The following CASC3 variants were observed in gnomAD, a reference collection of about 807,000 sequenced individuals.
CASC3 encodes the protein protein CASC3.
CASC3 carries 30 observed loss-of-function variants against 80.5 expected under a neutral mutation model. The observed-to-expected ratio is 0.37, with a 90% CI of 0.28 to 0.51. CASC3 has a LOEUF of 0.51. CASC3 is among the 20% of genes least tolerant of loss of function. The pLI is 0.94. For synonymous variants in CASC3, 312 were observed against 333.6 expected (o/e 0.94, Z 0.70); for missense variants, 824 against 922.2 (o/e 0.89, Z 1.38).
intron 3 of CASC3, among the ~76,000 whole-genome samples, chr17:40,153,795 G>A (rs527438663): frequency 1.5e-3 from 230 of 151,348 alleles, no homozygotes; most frequent in Non-Finnish European, 1.7e-3. Context: ...TTTTTTTGGC[G>A]GGGCACGGTG....
chr17:40,157,919 A>G (rs533445109), intron 3 of CASC3, among the ~76,000 whole-genome samples: 2 of 152,332 alleles, frequency 1.3e-5, no homozygotes, highest in African/African-American at 4.8e-5. Flanking sequence ...GAAACATACT[A>G]TTCAGTGGAA....
intron 3 of CASC3, among the ~76,000 whole-genome samples, chr17:40,153,318 A>C (rs1396948020): frequency 6.6e-6 from 1 of 151,970 alleles, no homozygotes; most frequent in East Asian, 1.9e-4. Flanking sequence ...CAAATGTCAA[A>C]ATTTTTTTTT....
intron 3 of CASC3, among the ~76,000 whole-genome samples, chr17:40,152,761 G>T (rs1273935404): frequency 6.6e-6 from 1 of 151,308 alleles, no homozygotes; most frequent in Non-Finnish European, 1.5e-5. Context: ...CACCATGCCT[G>T]ACCAAGTATA....
chr17:40,169,716 A>G (rs1989545678), intron 13 of CASC3, 54 bp downstream of exon 13: 2 of 631,000 alleles, frequency 3.2e-6, no homozygotes, highest in East Asian at 7.5e-5. Context: ...ACACTTGCTT[A>G]ATAAACAAAA....
chr17:40,153,993 G>A (rs1475195110), intron 3 of CASC3, among the ~76,000 whole-genome samples: 1 of 151,826 alleles, frequency 6.6e-6, no homozygotes, highest in East Asian at 1.9e-4. Flanking sequence ...AGAATCACTT[G>A]AACCCGGGAG....
Position 40,171,370 on chromosome 17 carries a change from C to G in CASC3, c.*965C>G, listed in dbSNP as rs1989589502. The G allele has an allele frequency of 1.0e-5, 10 of 986,088 alleles. No individual in the cohort carries two copies. Among genetic ancestry groups the G allele is most frequent in the Non-Finnish European group, 1.1e-5 (9 of 830,058 alleles). The allele number at this position is 986,088 out of a possible 1,614,324, so 61.1% of individuals were successfully genotyped here. Reference sequence around the variant, plus strand: ...AGTGGAATTAGAGGGCCTTGCTTCTCTTCTTTCCATTCTTCTTGCTACACC... The same window carrying G: ...AGTGGAATTAGAGGGCCTTGCTTCTGTTCTTTCCATTCTTCTTGCTACACC... On this transcript the variant is annotated 3_prime_UTR_variant, in exon 14 of 14. Transcript: ENST00000264645.
Position 40,140,578 on chromosome 17 carries a change from G to T in CASC3, c.30G>T (p.Ser10=), listed in dbSNP as rs1237071115. Residue 10 remains serine (S), a synonymous_variant, in exon 1 of 14, where the codon TCG becomes TCT. Coordinates refer to ENST00000264645, the MANE Select transcript of CASC3 (RefSeq NM_007359.5). ...CGGACCGGCGGCGGCAGCGCGCTTCGCAAGACACCGAGGACGAGGAATCTG... is the reference window on the plus strand; with the variant it reads ...CGGACCGGCGGCGGCAGCGCGCTTCTCAAGACACCGAGGACGAGGAATCTG... MADRRRQRA[S]QDTEDEESGA... The T allele has an allele frequency of 1.2e-6, 2 of 1,609,358 alleles. No homozygotes were observed. Among genetic ancestry groups the T allele is most frequent in the Non-Finnish European group, 1.7e-6 (2 of 1,179,552 alleles).
chr17:40,165,345 G>A (rs1219728916), intron 7 of CASC3, among the ~76,000 whole-genome samples: 3 of 152,048 alleles, frequency 2.0e-5, no homozygotes, highest in Non-Finnish European at 1.5e-5. Flanking sequence ...GATTACAGGC[G>A]TGAGCCACTG....
chr17:40,171,848 T>C lies in CASC3; in HGVS notation c.*1443T>C, dbSNP rs1004249623. The stretch of plus-strand genomic sequence containing the variant: ...GCCTAATCACTCTGAGTCACAGGTG[T>C]GGGATGGAGAGTGGGGAGAGGCACT... On this transcript the variant is annotated 3_prime_UTR_variant, in exon 14 of 14. Transcript: ENST00000264645. 2.5e-6 allele frequency: 3 copies of C among 1,190,208 alleles called. No individual in the cohort carries two copies. Among genetic ancestry groups the C allele is most frequent in the Non-Finnish European group, 3.2e-6 (3 of 942,918 alleles). The allele number at this position is 1,190,208 out of a possible 1,614,324, so 73.7% of individuals were successfully genotyped here.
intron 6 of CASC3, among the ~76,000 whole-genome samples, chr17:40,163,165 C>T (rs748537603): frequency 8.6e-5 from 13 of 152,020 alleles, no homozygotes; most frequent in South Asian, 2.1e-4. Flanking sequence ...GACAGAGTCT[C>T]GCTGTGTTGC....
At chr17:40,166,882 A>G in intron 8 of CASC3, 21 bp downstream of exon 8, 2 of 1,578,348 alleles carry the variant, frequency 1.3e-6, no homozygotes, top group Non-Finnish European at 1.7e-6. Flanking sequence ...GGAAAGGGGT[A>G]GATGGGGGAG....
chr17:40,144,789 GC>G (rs1988813232), intron 3 of CASC3, among the ~76,000 whole-genome samples: 1 of 142,062 alleles, frequency 7.0e-6, no homozygotes, highest in Admixed American at 7.2e-5. Context: ...CAGTCCTCCT[GC>G]CTTGACCTCC....
intron 9 of CASC3, 97 bp downstream of exon 9, chr17:40,167,709 A>T: frequency 8.2e-7 from 1 of 1,226,436 alleles, no homozygotes; most frequent in South Asian, 1.2e-5. Flanking sequence ...CTGACCTCTT[A>T]TAGTGGTTAT....
At chr17:40,162,327 A>G (rs1989322980) in intron 5 of CASC3, among the ~76,000 whole-genome samples, 174 bp downstream of exon 5, 1 of 152,200 alleles carries the variant, frequency 6.6e-6, no homozygotes, top group South Asian at 2.1e-4. Context: ...TTGGTGAGGC[A>G]GCTAAGATAC....
intron 3 of CASC3, among the ~76,000 whole-genome samples, chr17:40,148,787 C>T (rs968564337): frequency 2.6e-5 from 4 of 152,200 alleles, no homozygotes; most frequent in African/African-American, 9.6e-5. Flanking sequence ...CCTGCGTGGA[C>T]ACCAGTACTA....
chr17:40,167,365 T>G, intron 8 of CASC3, 133 bp from the exon 9 acceptor site: 1 of 623,424 alleles, frequency 1.6e-6, no homozygotes, highest in Non-Finnish European at 2.9e-6. Context: ...TTTCATTATT[T>G]TTCAGCTCAC....
At chr17:40,145,485 A>G (rs117330222) in intron 3 of CASC3, among the ~76,000 whole-genome samples, 1,637 of 152,168 alleles carry the variant, frequency 0.011, 24 homozygotes, top group Non-Finnish European at 0.018. Flanking sequence ...AATTTTTTTA[A>G]AAAGAGAAAA....
chr17:40,144,418 C>T (rs111327046), intron 3 of CASC3, among the ~76,000 whole-genome samples: 9,676 of 149,496 alleles, frequency 0.065, 689 homozygotes, highest in African/African-American at 0.17. Flanking sequence ...GATCTTAGCT[C>T]GCTGCAACCT....
Position 40,163,526 on chromosome 17 carries a change from G to A in CASC3, c.831G>A (p.Arg277=). ...GAGATCCAAACTGGAACGGTGAGCG[G>A]CTAAACAAGTCTCATCGCCACCAGG... ...PQRDPNWNGE[R]LNKSHRHQGL... Residue 277 remains arginine, a synonymous_variant, in exon 7 of 14, where the codon CGG becomes CGA. Coordinates refer to ENST00000264645, the MANE Select transcript of CASC3 (RefSeq NM_007359.5). 6.2e-7 allele frequency: 1 copy of A among 1,613,714 alleles called. No homozygotes were observed. The highest frequency in any genetic ancestry group is 8.5e-7 in the Non-Finnish European group (1 of 1,179,848).
Sources: gnomAD v4.1 joint callset for allele counts (sites outside exome capture counted in the v4.1 genomes callset) on GRCh38, gnomAD v4.1.1 for gene constraint, MANE v1.5 for transcripts, NCBI Gene and HGNC (gene_info 2026-07-23, HGNC 2026-07-21) for gene names.